WDR70: variants seen among roughly 807,000 people sequenced by gnomAD.
WDR70 encodes the protein WD repeat-containing protein 70.
A neutral mutation model predicts 88.6 loss-of-function variants in WDR70; 53 were observed. The ratio of observed to expected loss-of-function variants is 0.60; its 90% confidence interval spans 0.48 to 0.75. WDR70 has a LOEUF of 0.75. Ranked by LOEUF, WDR70 falls within the 30% of genes least tolerant of loss-of-function variation. The probability of loss-of-function intolerance (pLI) is 0.00; values close to 1 mark genes in which losing one functional copy is unlikely to be tolerated. For missense variants in WDR70, 610 were observed against 823.2 expected (o/e 0.74, Z 3.17); for synonymous variants, 280 against 270.0 (o/e 1.04, Z -0.36).
intron 9 of WDR70, among the ~76,000 whole-genome samples, chr5:37,551,487 T>C (rs1742143774): frequency 6.6e-6 from 1 of 151,600 alleles, no homozygotes; most frequent in Non-Finnish European, 1.5e-5. Context: ...CCTGGCACTT[T>C]GGGAGGCCGA....
intron 5 of WDR70, among the ~76,000 whole-genome samples, chr5:37,424,840 A>G (rs1750072075): frequency 6.6e-6 from 1 of 152,172 alleles, no homozygotes. Flanking sequence ...GTATTTTTTT[A>G]TATGTGCCTA....
At chr5:37,498,372 ACTC>A (rs1581339272) in intron 8 of WDR70, among the ~76,000 whole-genome samples, 1 of 149,596 alleles carries the variant, frequency 6.7e-6, no homozygotes, top group Non-Finnish European at 1.5e-5. Flanking sequence ...TTGTTTTTTC[ACTC>A]CTCCTTTTCT....
intron 9 of WDR70, among the ~76,000 whole-genome samples, chr5:37,522,343 C>T (rs183546336): frequency 1.2e-4 from 18 of 151,978 alleles, no homozygotes; most frequent in South Asian, 4.2e-4. Flanking sequence ...TGGTGGCATG[C>T]GCCTATAGTC....
intron 13 of WDR70, among the ~76,000 whole-genome samples, chr5:37,710,343 C>T (rs10043213): frequency 0.085 from 12,909 of 151,924 alleles, 1,750 homozygotes; most frequent in African/African-American, 0.29. Context: ...TTTGCTATCC[C>T]TCTATAGTCA....
chr5:37,677,434 C>G lies in WDR70; in HGVS notation c.1093-20221C>G, dbSNP rs563204185. ...TGTCCCAGAGATTCCGGTATGTTGT[C>G]TCTTTGTTCTCATTGGTTTCAAAGA... On this transcript the variant is annotated intron_variant, in intron 10 of 17. Coordinates refer to ENST00000265107, the MANE Select transcript of WDR70 (RefSeq NM_018034.4). 5.3e-5 allele frequency among the ~76,000 whole-genome samples: 8 copies of G among 152,228 alleles called. No homozygotes were observed. The South Asian group carries it at 6.2e-4, about 12-fold the overall frequency.
chr5:37,729,547 C>CAT (rs1748083670), intron 17 of WDR70, among the ~76,000 whole-genome samples: 1 of 152,168 alleles, frequency 6.6e-6, no homozygotes. Context: ...TCAGGTCTGG[C>CAT]ATATACATTA....
chr5:37,513,898 G>A (rs1007012087), intron 8 of WDR70, among the ~76,000 whole-genome samples: 1 of 151,918 alleles, frequency 6.6e-6, no homozygotes, highest in Admixed American at 6.6e-5. Flanking sequence ...ACACACCCAG[G>A]ATCAATACTT....
At chr5:37,676,806 A>C (rs563322109) in intron 10 of WDR70, among the ~76,000 whole-genome samples, 7 of 151,762 alleles carry the variant, frequency 4.6e-5, no homozygotes, top group Non-Finnish European at 7.3e-5. Flanking sequence ...TTCAGAAGGA[A>C]TGGTACCCGT....
chr5:37,438,417 A>C (rs567512310), intron 6 of WDR70, among the ~76,000 whole-genome samples: 1 of 152,232 alleles, frequency 6.6e-6, no homozygotes, highest in African/African-American at 2.4e-5. Context: ...AGTATTTATT[A>C]ATACTTAGTT....
intron 9 of WDR70, among the ~76,000 whole-genome samples, chr5:37,529,534 A>T (rs192489060): frequency 6.6e-6 from 1 of 152,006 alleles, no homozygotes; most frequent in East Asian, 1.9e-4. Flanking sequence ...GAGGTCTTTC[A>T]TGTCCTTGGT....
intron 10 of WDR70, among the ~76,000 whole-genome samples, chr5:37,688,422 G>A (rs1746677848): frequency 6.6e-6 from 1 of 152,078 alleles, no homozygotes; most frequent in African/African-American, 2.4e-5. Flanking sequence ...ATATCTATAC[G>A]TATTGCTTAA....
rs180972775 is a variant in WDR70, at chr5:37,612,776, A to C, written c.1092+7538A>C. ...GTATGCAAATGTAACCACCATCAAT[A>C]AGTAACAATGCTATGGACCCATGTT... On this transcript the variant is annotated intron_variant, in intron 10 of 17. Transcript: ENST00000265107. Among the ~76,000 whole-genome samples, 302 of 152,344 alleles carry C rather than the reference A, an allele frequency of 2.0e-3. 3 individuals carry two copies. The highest frequency in any genetic ancestry group is 0.01 in the Middle Eastern group (3 of 294).
chr5:37,704,343 A>G (rs1440527331), intron 13 of WDR70, among the ~76,000 whole-genome samples: 1 of 152,224 alleles, frequency 6.6e-6, no homozygotes, highest in Non-Finnish European at 1.5e-5. Flanking sequence ...CTAAATGACT[A>G]TACATTTCAG....
At chr5:37,497,375 C>G (rs1337970460) in intron 8 of WDR70, among the ~76,000 whole-genome samples, 1 of 130,962 alleles carries the variant, frequency 7.6e-6, no homozygotes, top group African/African-American at 2.9e-5. Flanking sequence ...CTCTTCCCTT[C>G]TCTTCCCTCC....
chr5:37,422,833 C>T (rs1749987428), intron 5 of WDR70, among the ~76,000 whole-genome samples: 1 of 151,906 alleles, frequency 6.6e-6, no homozygotes, highest in South Asian at 2.1e-4. Flanking sequence ...TGCCATGTTG[C>T]TCAGGCTGGT....
chr5:37,503,435 A>G (rs1341565188), intron 8 of WDR70, among the ~76,000 whole-genome samples: 1 of 151,946 alleles, frequency 6.6e-6, no homozygotes, highest in African/African-American at 2.4e-5. Context: ...CCACCCTCTG[A>G]TAGGCCCCAG....
At chr5:37,441,153 A>G (rs917504386) in intron 6 of WDR70, among the ~76,000 whole-genome samples, 12 of 152,206 alleles carry the variant, frequency 7.9e-5, no homozygotes, top group Admixed American at 5.9e-4. Flanking sequence ...ACAGGAGGGA[A>G]GAAGGATAGC....
At chr5:37,414,144 CAAA>C (rs59026349) in intron 5 of WDR70, among the ~76,000 whole-genome samples, 10 of 94,072 alleles carry the variant, frequency 1.1e-4, no homozygotes, top group Admixed American at 1.2e-4. Context: ...AACTCTGTCT[CAAA>C]AAAAAAAAAA....
intron 8 of WDR70, among the ~76,000 whole-genome samples, chr5:37,511,749 T>C (rs988075483): frequency 1.3e-5 from 2 of 152,192 alleles, no homozygotes; most frequent in Admixed American, 1.3e-4. Flanking sequence ...TCTTCCGCCT[T>C]TTCACTTTTG....
Sources: allele counts gnomAD v4.1 joint callset (sites outside exome capture counted in the v4.1 genomes callset), GRCh38; gene constraint gnomAD v4.1.1; transcripts MANE v1.5; gene names NCBI Gene and HGNC (gene_info 2026-07-23, HGNC 2026-07-21).